NAE1: variants seen among roughly 807,000 people sequenced by gnomAD.
NAE1 encodes the protein NEDD8 activating enzyme E1 subunit 1, also known as NEDD8-activating enzyme E1 regulatory subunit.
NAE1 carries 59 observed loss-of-function variants against 88.0 expected under a neutral mutation model. The ratio of observed to expected loss-of-function variants is 0.67; its 90% CI spans 0.54 to 0.83. The LOEUF (loss-of-function observed/expected upper bound fraction) is 0.83, where lower values mean the gene tolerates loss of function less well. Ranked by LOEUF, NAE1 falls within the 40% of genes least tolerant of loss-of-function variation. The pLI is 0.00. For missense variants in NAE1, 554 were observed against 632.8 expected, an observed-to-expected ratio of 0.88 and a Z score of 1.34; for synonymous variants, 186 against 208.9, an observed-to-expected ratio of 0.89 and a Z score of 0.95.
chr16:66,805,535 A>T (rs1191135364), intron 19 of NAE1: 2 of 377,116 alleles, frequency 5.3e-6, no homozygotes, highest in African/African-American at 4.2e-5. Flanking sequence ...GCTATTCAGG[A>T]GGCGGAGGCG....
Position 66,805,972 on chromosome 16 carries a change from G to A in NAE1, c.1385C>T (p.Thr462Ile), listed in dbSNP as rs762116286. Reference protein sequence around the residue: ...EDIGKLKSCLTGFLQEYGLSV... With the variant: ...EDIGKLKSCLIGFLQEYGLSV... ...TAAACCATATTCCTGAAGGAAGCCA[G>A]TGAGACAAGACTTCAACTTTCCTAT... The change falls in exon 18 of 20, where the codon ACT becomes ATT. Residue 462 changes from threonine to isoleucine, a missense_variant. Coordinates refer to ENST00000290810, the MANE Select transcript of NAE1 (RefSeq NM_003905.4). 6.2e-7 allele frequency: 1 copy of A among 1,613,400 alleles called. No homozygotes were observed. Among genetic ancestry groups the A allele is most frequent in the Admixed American group, 1.7e-5 (1 of 59,850 alleles).
At position 66,810,742 on chromosome 16, in the gene NAE1, G is replaced by A. The variant is rs539170856; in HGVS notation, c.1065C>T (p.Ala355=). The A allele has an allele frequency of 1.1e-5, 17 of 1,613,948 alleles. No homozygotes were observed. Among genetic ancestry groups the A allele is most frequent in the Admixed American group, 3.3e-5 (2 of 59,994 alleles). ...VYREKAKKDA[A]AVGNHVAKLL... ...ATTTGGCAACATGATTACCCACAGC[G>A]GCAGCATCTTTCTTTGCTTTTTCAC... The change falls in exon 14 of 20, where the codon GCC becomes GCT. Residue 355 remains alanine (A), a synonymous_variant. Transcript: ENST00000290810.
Position 66,810,857 on chromosome 16 carries a change from T to C in NAE1, c.1035-85A>G. 4 of 1,243,510 alleles carry C rather than the reference T, an allele frequency of 3.2e-6. No homozygotes were observed. The South Asian group carries it at 4.9e-5, about 15-fold the overall frequency. The allele number at this position is 1,243,510 out of a possible 1,614,324, so 77.0% of individuals were successfully genotyped here. A position where few individuals can be genotyped will look rare whatever the true frequency, so the allele number is the denominator to read the frequency against. On this transcript the variant is annotated intron_variant, in intron 13 of 19. Transcript: ENST00000290810. ...TACCATGAACAAAAATTTTCTTTCCTTTTCATGAAAAAACACAGGTCTGAC... is the reference window on the plus strand; with the variant it reads ...TACCATGAACAAAAATTTTCTTTCCCTTTCATGAAAAAACACAGGTCTGAC...
intron 3 of NAE1, among the ~76,000 whole-genome samples, chr16:66,825,372 G>A (rs545654959): frequency 4.6e-5 from 7 of 151,954 alleles, no homozygotes; most frequent in Non-Finnish European, 5.9e-5. Context: ...GCGTGAACCT[G>A]GGAGGCAGAG....
rs761221554 is a variant in NAE1, at chr16:66,830,830, G to A, written c.53+17C>T. The A allele has an allele frequency of 1.1e-5, 17 of 1,508,266 alleles. No homozygotes were observed. The highest frequency in any genetic ancestry group is 1.5e-5 in the Non-Finnish European group (17 of 1,135,770). 93.4% of individuals were successfully genotyped at this position (1,508,266 alleles called of 1,614,324 possible). On this transcript the variant is annotated intron_variant, in intron 1 of 19. Coordinates refer to ENST00000290810, the MANE Select transcript of NAE1 (RefSeq NM_003905.4). ...AAGCCCGCCGGCCCGCCCTCGGCTCGGTGAGCCTCGGCTCACCTCAGCTGC... is the reference window on the plus strand; with the variant it reads ...AAGCCCGCCGGCCCGCCCTCGGCTCAGTGAGCCTCGGCTCACCTCAGCTGC...
chr16:66,821,646 C>T, intron 6 of NAE1, 87 bp from the exon 7 acceptor site: 1 of 1,110,954 alleles, frequency 9.0e-7, no homozygotes, highest in Non-Finnish European at 1.2e-6. Context: ...AAATGTCTTA[C>T]AGCAACTTTC....
chr16:66,828,486 G>A (rs1308287556), intron 1 of NAE1, among the ~76,000 whole-genome samples: 7 of 140,888 alleles, frequency 5.0e-5, no homozygotes, highest in Middle Eastern at 4.2e-3. Context: ...GTGAGACTCC[G>A]TCTCAAAAAA....
chr16:66,812,234 C>T (rs1189762819), intron 13 of NAE1, among the ~76,000 whole-genome samples: 1 of 152,104 alleles, frequency 6.6e-6, no homozygotes, highest in Admixed American at 6.6e-5. Flanking sequence ...TGCCATTTAC[C>T]AGCTATCTGA....
chr16:66,813,973 G>A, intron 11 of NAE1, 127 bp from the exon 12 acceptor site: 1 of 905,762 alleles, frequency 1.1e-6, no homozygotes, highest in Non-Finnish European at 1.6e-6. Flanking sequence ...ACTTCTGATT[G>A]GTTTATAATT....
intron 7 of NAE1, among the ~76,000 whole-genome samples, chr16:66,819,429 C>T (rs1960166763): frequency 6.6e-6 from 1 of 152,224 alleles, no homozygotes; most frequent in Admixed American, 6.5e-5. Context: ...TCAGTGAGTG[C>T]TTAGAGGTAG....
At chr16:66,806,150 C>T in intron 17 of NAE1, 124 bp from the exon 18 acceptor site, 1 of 1,179,738 alleles carries the variant, frequency 8.5e-7, no homozygotes, top group South Asian at 1.8e-5. Flanking sequence ...ACAAAAATAA[C>T]AAAGTATGAG....
intron 19 of NAE1, among the ~76,000 whole-genome samples, chr16:66,804,961 T>C (rs931584841): frequency 1.3e-5 from 2 of 152,132 alleles, no homozygotes; most frequent in Non-Finnish European, 2.9e-5. Flanking sequence ...TATAAGTCTA[T>C]GATATTCTGT....
At chr16:66,817,722 A>G (rs1260675282) in intron 8 of NAE1, among the ~76,000 whole-genome samples, 1 of 152,168 alleles carries the variant, frequency 6.6e-6, no homozygotes, top group African/African-American at 2.4e-5. Flanking sequence ...ACAGTCTCAG[A>G]GACTGCCACC....
intron 3 of NAE1, among the ~76,000 whole-genome samples, chr16:66,825,339 C>G (rs536673094): frequency 4.6e-5 from 7 of 151,298 alleles, no homozygotes; most frequent in African/African-American, 1.2e-4. Context: ...CCCAGCTACT[C>G]GGAAGGCTGA....
chr16:66,823,850 G>A (rs1184620888), intron 4 of NAE1, among the ~76,000 whole-genome samples: 1 of 152,168 alleles, frequency 6.6e-6, no homozygotes, highest in Admixed American at 6.5e-5. Context: ...TCCTGCCTCA[G>A]CCTCCCAAGT....
In NAE1 at chr16:66,830,963, C is replaced by A; in HGVS notation, c.-64G>T. 2 of 1,428,494 alleles carry A rather than the reference C, an allele frequency of 1.4e-6. No individual in the cohort carries two copies. The highest frequency in any genetic ancestry group is 1.8e-6 in the Non-Finnish European group (2 of 1,085,876). The allele number at this position is 1,428,494 out of a possible 1,614,324, so 88.5% of individuals were successfully genotyped here. A position where few individuals can be genotyped will look rare whatever the true frequency, so the allele number is the denominator to read the frequency against. On this transcript the variant is annotated 5_prime_UTR_variant, in exon 1 of 20. Transcript: ENST00000290810. ...GGAGCGCCGCCACCAGCTCCACAAG[C>A]GCGCAGGCGCACTGAGCGCCCCTTC...
intron 13 of NAE1, among the ~76,000 whole-genome samples, chr16:66,812,323 T>C (rs1000162037): frequency 1.3e-5 from 2 of 152,026 alleles, no homozygotes; most frequent in Non-Finnish European, 2.9e-5. Flanking sequence ...CTCTCTCTCA[T>C]AAGGTCGTTG....
chr16:66,807,298 T>C (rs1472838331), intron 17 of NAE1, among the ~76,000 whole-genome samples: 3 of 152,136 alleles, frequency 2.0e-5, no homozygotes, highest in Non-Finnish European at 4.4e-5. Flanking sequence ...AAGCAATACA[T>C]ATTTGGTGTT....
intron 13 of NAE1, among the ~76,000 whole-genome samples, chr16:66,812,822 GTTC>G (rs1279421497): frequency 3.7e-5 from 5 of 135,950 alleles, no homozygotes; most frequent in East Asian, 2.3e-4. Flanking sequence ...CCCGGCCTAA[GTTC>G]TTTTTTTTTT....
Sources: gnomAD v4.1 joint callset for allele counts (sites outside exome capture counted in the v4.1 genomes callset) on GRCh38, gnomAD v4.1.1 for gene constraint, MANE v1.5 for transcripts, NCBI Gene and HGNC (gene_info 2026-07-23, HGNC 2026-07-21) for gene names.